The following COBL variants were observed in gnomAD, a reference collection of about 807,000 sequenced individuals.
COBL encodes the protein protein cordon-bleu.
In COBL, 51 loss-of-function variants were observed where a neutral mutation model predicts 98.8. The observed-to-expected ratio is 0.52, with a 90% CI of 0.41 to 0.65. The LOEUF (loss-of-function observed/expected upper bound fraction) is 0.65, where lower values mean the gene tolerates loss of function less well. Ranked by LOEUF, COBL falls within the 30% of genes least tolerant of loss-of-function variation. COBL has a pLI of 0.00. For synonymous variants in COBL, 634 were observed against 651.7 expected, an observed-to-expected ratio of 0.97 and a Z score of 0.41; for missense variants, 1,617 against 1,617.5, an observed-to-expected ratio of 1.00 and a Z score of 0.01.
intron 1 of COBL, among the ~76,000 whole-genome samples, chr7:51,250,918 T>C (rs760519331): frequency 3.9e-5 from 6 of 152,182 alleles, no homozygotes; most frequent in South Asian, 4.1e-4. Context: ...CATCAAAGAA[T>C]TGGCCAATAA....
chr7:51,048,059 C>T lies in COBL; in HGVS notation c.1097-4367G>A, dbSNP rs549188181. Reference sequence around the variant, plus strand: ...GTGCACACCTGTAATCCCAGCTACTCGGGAAGTTGAGGCAGAGAATTGCTT... The same window carrying T: ...GTGCACACCTGTAATCCCAGCTACTTGGGAAGTTGAGGCAGAGAATTGCTT... On this transcript the variant is annotated intron_variant, in intron 7 of 12. Coordinates refer to ENST00000265136, the MANE Select transcript of COBL (RefSeq NM_015198.5). Among the ~76,000 whole-genome samples the T allele has an allele frequency of 2.0e-4, 31 of 152,178 alleles. 1 individual carries two copies. The South Asian group carries it at 3.7e-3, about 18-fold the overall frequency.
rs375925507 is a variant in COBL, at chr7:51,136,213, C to T, written c.902G>A (p.Arg301Gln). The change falls in exon 6 of 13, where the codon CGA (arginine) becomes CAA (glutamine). Residue 301 changes from arginine to glutamine, a missense_variant. This residue lies in a region of COBL where 1,304 missense variants were observed against 1,282.0 expected (regional missense o/e 1.02). Coordinates refer to ENST00000265136, the MANE Select transcript of COBL (RefSeq NM_015198.5). ...VSVKSEMKKR[R>Q]APPPPGSGPP... ...CCCTGAACCTGGAGGAGGAGGGGCT[C>T]GGCGCTTCTTCATCTCCGACTTCAC... is the stretch of plus-strand genomic sequence containing the variant. 1.2e-5 allele frequency: 20 copies of T among 1,613,032 alleles called. No homozygotes were observed. Among genetic ancestry groups the T allele is most frequent in the East Asian group, 2.2e-5 (1 of 44,900 alleles).
intron 7 of COBL, among the ~76,000 whole-genome samples, chr7:51,077,526 A>G (rs1476369299): frequency 6.6e-6 from 1 of 152,192 alleles, no homozygotes; most frequent in Admixed American, 6.5e-5. Flanking sequence ...TTGGCCACAC[A>G]CACCTTCACA....
chr7:51,257,990 G>C (rs566410778), intron 1 of COBL, among the ~76,000 whole-genome samples: 1 of 152,112 alleles, frequency 6.6e-6, no homozygotes. Flanking sequence ...TTGTAACAAG[G>C]AAAATGTATT....
At chr7:51,257,095 C>T (rs28460869) in intron 1 of COBL, among the ~76,000 whole-genome samples, 2,846 of 152,200 alleles carry the variant, frequency 0.019, 87 homozygotes, top group African/African-American at 0.064. Flanking sequence ...AGCTTCCTAG[C>T]GGTCATGGCA....
chr7:51,093,010 T>G (rs1402117089), intron 6 of COBL, among the ~76,000 whole-genome samples: 2 of 152,110 alleles, frequency 1.3e-5, no homozygotes, highest in African/African-American at 2.4e-5. Flanking sequence ...AATTAACACA[T>G]ACAAAAATTC....
chr7:51,227,907 ATAAG>A (rs1563064019), intron 1 of COBL, among the ~76,000 whole-genome samples: 1 of 152,188 alleles, frequency 6.6e-6, no homozygotes, highest in African/African-American at 2.4e-5. Context: ...GAAGATCCAG[ATAAG>A]TAAGGGCTGA....
intron 7 of COBL, among the ~76,000 whole-genome samples, chr7:51,057,114 C>A (rs185088252): frequency 2.0e-5 from 3 of 152,126 alleles, no homozygotes; most frequent in Admixed American, 6.5e-5. Flanking sequence ...GGTTCTCAGA[C>A]GGACTGTCTC....
At chr7:51,151,461 G>A (rs1353790111) in intron 5 of COBL, among the ~76,000 whole-genome samples, 1 of 152,156 alleles carries the variant, frequency 6.6e-6, no homozygotes, top group Non-Finnish European at 1.5e-5. Flanking sequence ...CCCTTCCAGA[G>A]TCTCCCCATA....
intron 1 of COBL, among the ~76,000 whole-genome samples, chr7:51,306,047 G>T (rs540853002): frequency 6.6e-6 from 1 of 151,956 alleles, no homozygotes; most frequent in South Asian, 2.1e-4. Context: ...TTGGGGCGGG[G>T]GTGGGGGCAA....
At chr7:51,256,425 TG>T (rs1797204543) in intron 1 of COBL, among the ~76,000 whole-genome samples, 1 of 152,200 alleles carries the variant, frequency 6.6e-6, no homozygotes, top group African/African-American at 2.4e-5. Flanking sequence ...GGCCCACTGC[TG>T]GGGCTTTCAG....
At chr7:51,279,019 T>C (rs951066145) in intron 1 of COBL, among the ~76,000 whole-genome samples, 7 of 152,246 alleles carry the variant, frequency 4.6e-5, no homozygotes, top group Non-Finnish European at 8.8e-5. Flanking sequence ...TAAGGAGTGA[T>C]ACAGCTGTTG....
chr7:51,023,900 C>T (rs1213362616), intron 12 of COBL, among the ~76,000 whole-genome samples: 3 of 152,176 alleles, frequency 2.0e-5, no homozygotes, highest in African/African-American at 4.8e-5. Context: ...CCAAGCCAAG[C>T]GACTCACTCC....
At chr7:51,243,286 G>A (rs1046727999) in intron 1 of COBL, among the ~76,000 whole-genome samples, 12 of 152,188 alleles carry the variant, frequency 7.9e-5, no homozygotes, top group Admixed American at 7.8e-4. Context: ...TGGAGCTGAC[G>A]CTGGGGTGTG....
chr7:51,300,302 A>T (rs1801817273), intron 1 of COBL, among the ~76,000 whole-genome samples: 1 of 152,036 alleles, frequency 6.6e-6, no homozygotes, highest in Non-Finnish European at 1.5e-5. Context: ...CTGAGATTAC[A>T]GGCACCCACC....
At chr7:51,106,283 T>C (rs1215131652) in intron 6 of COBL, among the ~76,000 whole-genome samples, 1 of 151,938 alleles carries the variant, frequency 6.6e-6, no homozygotes, top group African/African-American at 2.4e-5. Context: ...TACATGTTCC[T>C]GTATAGTCTT....
rs1446398721 is a variant in COBL, at chr7:51,025,313, C to G, written c.3564G>C (p.Gln1188His). The G allele has an allele frequency of 6.2e-7, 1 of 1,612,878 alleles. No homozygotes were observed. Among genetic ancestry groups the G allele is most frequent in the Non-Finnish European group, 8.5e-7 (1 of 1,179,674 alleles). The change falls in exon 12 of 13, where the codon CAG becomes CAC. Residue 1188 changes from glutamine (Q) to histidine (H), a missense_variant. By Grantham distance (24) the Gln-to-His change is conservative. Coordinates refer to ENST00000265136, the MANE Select transcript of COBL (RefSeq NM_015198.5). Reference sequence around the variant, plus strand: ...CTTCTAGCAGAGGACTTTCCGAGCCCTGAGCAGAGAGTGCGGCATCTCGGA... The same window carrying G: ...CTTCTAGCAGAGGACTTTCCGAGCCGTGAGCAGAGAGTGCGGCATCTCGGA... ...QSFRDAALSA[Q>H]GSESPLLEDL...
At chr7:51,312,210 A>C (rs1803123952) in intron 1 of COBL, among the ~76,000 whole-genome samples, 1 of 152,002 alleles carries the variant, frequency 6.6e-6, no homozygotes, top group Admixed American at 6.5e-5. Flanking sequence ...CACACCTGTA[A>C]ATCCCAGCTA....
At chr7:51,231,149 T>C (rs940340822) in intron 1 of COBL, among the ~76,000 whole-genome samples, 2 of 152,198 alleles carry the variant, frequency 1.3e-5, no homozygotes, top group African/African-American at 2.4e-5. Context: ...AATTAAGTAA[T>C]TTCATTCTTG....
Sources: allele counts gnomAD v4.1 joint callset (sites outside exome capture counted in the v4.1 genomes callset), GRCh38; gene constraint gnomAD v4.1.1; regional missense constraint gnomAD v4.1.1; transcripts MANE v1.5; gene names NCBI Gene and HGNC (gene_info 2026-07-23, HGNC 2026-07-21).